GRM3: variants seen among roughly 807,000 people sequenced by gnomAD.
GRM3 encodes the protein glutamate metabotropic receptor 3.
In GRM3, 26 loss-of-function variants were observed where a neutral mutation model predicts 70.5. The observed-to-expected ratio is 0.37, with a 90% CI of 0.27 to 0.51. The LOEUF (loss-of-function observed/expected upper bound fraction) is 0.51. Ranked by LOEUF, GRM3 falls within the 20% of genes least tolerant of loss-of-function variation. The probability of loss-of-function intolerance (pLI) is 0.93; values close to 1 mark genes in which losing one functional copy is unlikely to be tolerated. For synonymous variants in GRM3, 443 were observed against 434.9 expected (o/e 1.02, Z -0.23); for missense variants, 859 against 1,123.8 (o/e 0.76, Z 3.37).
intron 5 of GRM3, among the ~76,000 whole-genome samples, chr7:86,858,819 C>T (rs1349898077): frequency 6.6e-6 from 1 of 152,066 alleles, no homozygotes; most frequent in East Asian, 1.9e-4. Context: ...AGTTCTACTC[C>T]CCATTTGGAA....
chr7:86,764,337 A>T lies in GRM3; in HGVS notation c.-140-669A>T, dbSNP rs537513569. Among the ~76,000 whole-genome samples, 3 of 152,252 alleles carry T rather than the reference A, an allele frequency of 2.0e-5. No homozygotes were observed. The South Asian group carries it at 6.2e-4, about 32-fold the overall frequency. ...TTGTAATAGGTAGAGAATAGTCAAG[A>T]TTTCAATTAAGGTCAAGTAAAATGA... is the stretch of plus-strand genomic sequence containing the variant. On this transcript the variant is annotated intron_variant, in intron 1 of 5. Transcript: ENST00000361669.
intron 2 of GRM3, among the ~76,000 whole-genome samples, chr7:86,766,378 C>T (rs1796600944): frequency 6.7e-6 from 1 of 149,208 alleles, no homozygotes; most frequent in Admixed American, 6.6e-5. Flanking sequence ...GGATTACTAC[C>T]ATTAAAAAAA....
chr7:86,767,056 C>A (rs1796616135), intron 2 of GRM3, among the ~76,000 whole-genome samples: 1 of 151,794 alleles, frequency 6.6e-6, no homozygotes, highest in African/African-American at 2.4e-5. Flanking sequence ...ATCAAAAATA[C>A]AAAACATTAG....
At chr7:86,704,155 T>C (rs1380642279) in intron 1 of GRM3, among the ~76,000 whole-genome samples, 4 of 151,984 alleles carry the variant, frequency 2.6e-5, no homozygotes, top group Non-Finnish European at 5.9e-5. Flanking sequence ...AATATTTTCA[T>C]ATTATGTATT....
intron 1 of GRM3, among the ~76,000 whole-genome samples, chr7:86,716,667 C>CT (rs1795323946): frequency 7.0e-6 from 1 of 142,632 alleles, no homozygotes; most frequent in Non-Finnish European, 1.5e-5. Flanking sequence ...CAATTGGCCA[C>CT]TATTCCAGTT....
chr7:86,816,756 T>C (rs759774849), intron 3 of GRM3, among the ~76,000 whole-genome samples: 2 of 151,878 alleles, frequency 1.3e-5, no homozygotes, highest in Non-Finnish European at 2.9e-5. Context: ...GATGAACATA[T>C]GCTTGCATGT....
intron 1 of GRM3, among the ~76,000 whole-genome samples, chr7:86,760,267 T>C: frequency 6.6e-6 from 1 of 152,128 alleles, no homozygotes; most frequent in African/African-American, 2.4e-5. Flanking sequence ...CATATTATCA[T>C]ATGCAGAGTA....
chr7:86,863,278 A>G (rs1463095856), intron 5 of GRM3, among the ~76,000 whole-genome samples: 1 of 152,162 alleles, frequency 6.6e-6, no homozygotes, highest in Admixed American at 6.6e-5. Flanking sequence ...ATAGCTAAGA[A>G]CTGTATCTAG....
intron 1 of GRM3, among the ~76,000 whole-genome samples, chr7:86,707,638 T>C (rs929854433): frequency 1.3e-5 from 2 of 152,080 alleles, no homozygotes; most frequent in African/African-American, 4.8e-5. Flanking sequence ...TGGCTTGTAA[T>C]TGTGCCTGGC....
At chr7:86,792,868 CT>C (rs148629889) in intron 3 of GRM3, among the ~76,000 whole-genome samples, 6,660 of 152,244 alleles carry the variant, frequency 0.044, 189 homozygotes, top group Middle Eastern at 0.068. Context: ...AGAAATCTTA[CT>C]CCCAGGGCTT....
At chr7:86,778,480 G>T (rs952293678) in intron 2 of GRM3, among the ~76,000 whole-genome samples, 1 of 152,142 alleles carries the variant, frequency 6.6e-6, no homozygotes, top group Non-Finnish European at 1.5e-5. Flanking sequence ...TGTCAGCATA[G>T]AAGGCACAAA....
chr7:86,817,943 A>G (rs1015788723), intron 3 of GRM3, among the ~76,000 whole-genome samples: 6 of 152,050 alleles, frequency 3.9e-5, no homozygotes, highest in African/African-American at 1.2e-4. Flanking sequence ...CAGTAGATCA[A>G]TGCAATACAT....
chr7:86,716,528 T>A (rs997990393), intron 1 of GRM3, among the ~76,000 whole-genome samples: 1 of 151,752 alleles, frequency 6.6e-6, no homozygotes, highest in Non-Finnish European at 1.5e-5. Context: ...TATCCTAATA[T>A]CCTTATCCAC....
chr7:86,813,367 A>G (rs180977057), intron 3 of GRM3, among the ~76,000 whole-genome samples: 2 of 151,764 alleles, frequency 1.3e-5, no homozygotes, highest in East Asian at 1.9e-4. Flanking sequence ...TTAATCTCTC[A>G]ATCTGTTTAG....
chr7:86,824,671 T>C (rs1798195315), intron 3 of GRM3, among the ~76,000 whole-genome samples: 1 of 152,226 alleles, frequency 6.6e-6, no homozygotes, highest in South Asian at 2.1e-4. Context: ...TCACATGTAC[T>C]ACTAACTTTC....
At chr7:86,711,330 A>G (rs946469687) in intron 1 of GRM3, among the ~76,000 whole-genome samples, 6 of 152,078 alleles carry the variant, frequency 3.9e-5, no homozygotes, top group East Asian at 1.9e-4. Flanking sequence ...AGAGCACTGC[A>G]TGCACATATG....
chr7:86,776,354 C>T (rs577735476), intron 2 of GRM3, among the ~76,000 whole-genome samples: 70 of 152,148 alleles, frequency 4.6e-4, no homozygotes, highest in Non-Finnish European at 8.8e-4. Flanking sequence ...ACCCTGTGCA[C>T]TGTTTGCTTC....
intron 1 of GRM3, among the ~76,000 whole-genome samples, chr7:86,756,212 G>C (rs1252375345): frequency 6.6e-6 from 1 of 152,056 alleles, no homozygotes; most frequent in Non-Finnish European, 1.5e-5. Flanking sequence ...CCAAGTAGCT[G>C]GGATTACAGG....
At chr7:86,797,786 A>T (rs1012190757) in intron 3 of GRM3, among the ~76,000 whole-genome samples, 14 of 152,074 alleles carry the variant, frequency 9.2e-5, no homozygotes, top group African/African-American at 3.1e-4. Context: ...TCCCATCCCA[A>T]CATCCCCTCC....
Sources: allele counts gnomAD v4.1 joint callset (sites outside exome capture counted in the v4.1 genomes callset), GRCh38; gene constraint gnomAD v4.1.1; transcripts MANE v1.5; gene names NCBI Gene and HGNC (gene_info 2026-07-23, HGNC 2026-07-21).